INPP5D: variants seen among roughly 807,000 people sequenced by gnomAD.
The protein encoded by INPP5D is inositol polyphosphate-5-phosphatase D.
INPP5D carries 33 observed loss-of-function variants against 122.9 expected under a neutral mutation model. The ratio of observed to expected loss-of-function variants is 0.27; its 90% CI spans 0.20 to 0.36. The LOEUF is 0.36. Ranked by LOEUF, INPP5D falls within the 10% of genes least tolerant of loss-of-function variation. The probability of loss-of-function intolerance (pLI) is 1.00; values close to 1 mark genes in which losing one functional copy is unlikely to be tolerated. For synonymous variants in INPP5D, 584 were observed against 576.2 expected (o/e 1.01, Z -0.19); for missense variants, 1,053 against 1,412.7 (o/e 0.75, Z 4.08).
chr2:233,146,330 C>G, intron 7 of INPP5D, 37 bp from the exon 8 acceptor site: 1 of 704,300 alleles, frequency 1.4e-6, no homozygotes, highest in South Asian at 1.5e-5. Flanking sequence ...GGCTCGGCGT[C>G]CCCTTGACCC....
At chr2:233,119,119 G>A (rs1234232951) in intron 2 of INPP5D, among the ~76,000 whole-genome samples, 1 of 152,196 alleles carries the variant, frequency 6.6e-6, no homozygotes, top group Non-Finnish European at 1.5e-5. Context: ...TCTTAGCAGT[G>A]CATAAAATAA....
intron 13 of INPP5D, among the ~76,000 whole-genome samples, chr2:233,167,438 GTCTATGGAGATGA>G (rs1441796723): frequency 6.6e-6 from 1 of 152,150 alleles, no homozygotes; most frequent in Non-Finnish European, 1.5e-5. Flanking sequence ...AAGAAACAGA[GTCTATGGAGATGA>G]TCCATAACTT....
chr2:233,147,776 A>G (rs147467692), intron 9 of INPP5D, among the ~76,000 whole-genome samples, 182 bp downstream of exon 9: 15,822 of 152,076 alleles, frequency 0.1, 1,193 homozygotes, highest in East Asian at 0.31. Context: ...AGTGTGATCC[A>G]TGCTATCACC....
intron 9 of INPP5D, among the ~76,000 whole-genome samples, chr2:233,156,330 G>A (rs535614308): frequency 2.0e-5 from 3 of 152,136 alleles, no homozygotes; most frequent in Non-Finnish European, 4.4e-5. Context: ...TCACTCTGTC[G>A]CCAGGCTGGA....
Position 233,083,424 on chromosome 2 carries a change from T to C in INPP5D, c.198+4026T>C, listed in dbSNP as rs73101514. Among the ~76,000 whole-genome samples the C allele has an allele frequency of 4.0e-3, 608 of 152,260 alleles. 2 individuals carry two copies. The highest frequency in any genetic ancestry group is 0.014 in the African/African-American group (584 of 41,524). The stretch of plus-strand genomic sequence containing the variant: ...AACAGCTGCTGTGCCACTCAAACCC[T>C]GAGAACCTTCTGGACTCAGCTTGCA... On this transcript the variant is annotated intron_variant, in intron 2 of 26. Coordinates refer to ENST00000445964, the MANE Select transcript of INPP5D (RefSeq NM_001017915.3).
intron 13 of INPP5D, among the ~76,000 whole-genome samples, chr2:233,166,669 C>G (rs547322063): frequency 9.2e-5 from 14 of 152,338 alleles, no homozygotes; most frequent in African/African-American, 3.4e-4. Context: ...TGGCTCCCAG[C>G]CATAATTAGC....
chr2:233,142,841 G>A (rs1334692055), intron 6 of INPP5D, among the ~76,000 whole-genome samples: 8 of 152,050 alleles, frequency 5.3e-5, no homozygotes, highest in Non-Finnish European at 4.4e-5. Flanking sequence ...CCTCAACCTC[G>A]ACACTGGTGA....
intron 9 of INPP5D, among the ~76,000 whole-genome samples, chr2:233,155,273 A>C (rs1027510143): frequency 3.3e-5 from 5 of 152,204 alleles, no homozygotes; most frequent in African/African-American, 1.2e-4. Flanking sequence ...CCGAAAAGGC[A>C]AAACAAAAGG....
chr2:233,064,700 G>C (rs886577771), intron 1 of INPP5D, among the ~76,000 whole-genome samples: 2 of 152,210 alleles, frequency 1.3e-5, no homozygotes, highest in Non-Finnish European at 2.9e-5. Context: ...GCGAGAAACA[G>C]AGACCATAAG....
chr2:233,062,477 C>A (rs1356560265), intron 1 of INPP5D, among the ~76,000 whole-genome samples: 1 of 152,228 alleles, frequency 6.6e-6, no homozygotes, highest in Non-Finnish European at 1.5e-5. Flanking sequence ...TGGCTGGGGT[C>A]AAAACTGCTG....
chr2:233,176,436 G>A, intron 17 of INPP5D, among the ~76,000 whole-genome samples: 3 of 149,010 alleles, frequency 2.0e-5, no homozygotes, highest in Non-Finnish European at 3.0e-5. Flanking sequence ...TGAATGGATG[G>A]ATGGATGGAT....
At chr2:233,091,145 C>T (rs890732874) in intron 2 of INPP5D, among the ~76,000 whole-genome samples, 1 of 152,144 alleles carries the variant, frequency 6.6e-6, no homozygotes, top group Admixed American at 6.5e-5. Flanking sequence ...GTGCTTGGGA[C>T]TCCGTCCCTC....
chr2:233,064,166 G>T (rs968889474), intron 1 of INPP5D, among the ~76,000 whole-genome samples: 1 of 152,274 alleles, frequency 6.6e-6, no homozygotes, highest in African/African-American at 2.4e-5. Flanking sequence ...GGCCTAGAGT[G>T]GCCGGCTCAG....
chr2:233,136,584 A>G (rs1311687177), intron 5 of INPP5D, among the ~76,000 whole-genome samples: 1 of 152,220 alleles, frequency 6.6e-6, no homozygotes, highest in Non-Finnish European at 1.5e-5. Context: ...TGATGTTTCC[A>G]GGACCCAGCA....
At chr2:233,104,630 G>A (rs1253111794) in intron 2 of INPP5D, among the ~76,000 whole-genome samples, 1 of 152,154 alleles carries the variant, frequency 6.6e-6, no homozygotes, top group Non-Finnish European at 1.5e-5. Flanking sequence ...AGGAAGCTAA[G>A]GTTTTCATGT....
chr2:233,096,302 GACA>G (rs1692138385), intron 2 of INPP5D, among the ~76,000 whole-genome samples: 1 of 152,176 alleles, frequency 6.6e-6, no homozygotes, highest in Non-Finnish European at 1.5e-5. Flanking sequence ...ATTTTCAGCA[GACA>G]ATGAGTGAAA....
intron 6 of INPP5D, among the ~76,000 whole-genome samples, chr2:233,141,903 T>C (rs1693638872): frequency 6.6e-6 from 1 of 152,230 alleles, no homozygotes; most frequent in South Asian, 2.1e-4. Context: ...AGAACACGAA[T>C]TTGTATTTTA....
intron 9 of INPP5D, among the ~76,000 whole-genome samples, chr2:233,149,347 C>A (rs558910717): frequency 3.3e-5 from 5 of 152,140 alleles, no homozygotes; most frequent in Non-Finnish European, 7.4e-5. Flanking sequence ...GTGATCCACC[C>A]GCCTTGGCTT....
chr2:233,148,508 C>T (rs751511775), intron 9 of INPP5D, among the ~76,000 whole-genome samples: 9 of 152,126 alleles, frequency 5.9e-5, no homozygotes, highest in South Asian at 4.2e-4. Flanking sequence ...CATGTGCAAA[C>T]GCTGGGAGAT....
Sources: allele counts gnomAD v4.1 joint callset (sites outside exome capture counted in the v4.1 genomes callset), GRCh38; gene constraint gnomAD v4.1.1; transcripts MANE v1.5; gene names NCBI Gene and HGNC (gene_info 2026-07-23, HGNC 2026-07-21).